GARNL3: variants seen among roughly 807,000 people sequenced by gnomAD.
The protein encoded by GARNL3 is GTPase-activating Rap/Ran-GAP domain-like protein 3.
Under a neutral mutation model 125.0 loss-of-function variants are expected in GARNL3, and 63 were observed. That is an observed-to-expected ratio of 0.50 (90% CI 0.41 to 0.62). The LOEUF (loss-of-function observed/expected upper bound fraction) is 0.62. Ranked by LOEUF, GARNL3 falls within the 20% of genes least tolerant of loss-of-function variation. The probability of loss-of-function intolerance (pLI) is 0.00; values close to 1 mark genes in which losing one functional copy is unlikely to be tolerated. For missense variants in GARNL3, 994 were observed against 1,244.0 expected (o/e 0.80, Z 3.02); for synonymous variants, 439 against 457.5 (o/e 0.96, Z 0.52).
At chr9:127,250,373 G>A (rs868707903) in intron 2 of GARNL3, among the ~76,000 whole-genome samples, 86 of 152,330 alleles carry the variant, frequency 5.6e-4, no homozygotes, top group African/African-American at 2.0e-3. Context: ...CAACATGGTG[G>A]TGGGAGCAGT....
intron 1 of GARNL3, among the ~76,000 whole-genome samples, chr9:127,241,935 GTTT>G (rs2063212282): frequency 6.9e-6 from 1 of 144,252 alleles, no homozygotes; most frequent in African/African-American, 2.7e-5. Context: ...GCCCGGCCTG[GTTT>G]GTTGTTGTTG....
At chr9:127,286,271 G>A (rs189201395) in intron 1 of GARNL3, among the ~76,000 whole-genome samples, 1 of 152,308 alleles carries the variant, frequency 6.6e-6, no homozygotes, top group Admixed American at 6.5e-5. Context: ...CTTTGGAGGG[G>A]TAAGATCTCA....
intron 20 of GARNL3, among the ~76,000 whole-genome samples, chr9:127,356,017 G>A (rs1830670013): frequency 6.6e-6 from 1 of 152,192 alleles, no homozygotes; most frequent in Non-Finnish European, 1.5e-5. Context: ...TGAAGGCACA[G>A]TCAAGAGCAG....
chr9:127,387,012 A>G, intron 24 of GARNL3, 181 bp from the exon 25 acceptor site: 1 of 538,138 alleles, frequency 1.9e-6, no homozygotes, highest in East Asian at 3.0e-5. Context: ...GAAAAGTGTA[A>G]CTAGCCACGC....
intron 21 of GARNL3, among the ~76,000 whole-genome samples, chr9:127,359,107 G>A (rs1466211078): frequency 3.0e-5 from 4 of 133,120 alleles, no homozygotes; most frequent in African/African-American, 1.1e-4. Context: ...CCCACCCGCC[G>A]CCCCCCACTG....
At chr9:127,339,996 C>G (rs1193978061) in intron 13 of GARNL3, among the ~76,000 whole-genome samples, 1 of 152,120 alleles carries the variant, frequency 6.6e-6, no homozygotes, top group Non-Finnish European at 1.5e-5. Context: ...TAAGGACCCT[C>G]GGGCCTCAAA....
At chr9:127,295,661 G>A (rs1159147949) in intron 2 of GARNL3, among the ~76,000 whole-genome samples, 5 of 151,854 alleles carry the variant, frequency 3.3e-5, no homozygotes, top group Admixed American at 6.6e-5. Flanking sequence ...TCAGGTAGCC[G>A]TTACCACAGC....
intron 12 of GARNL3, 39 bp from the exon 13 acceptor site, chr9:127,339,606 T>A: frequency 7.0e-7 from 1 of 1,433,824 alleles, no homozygotes; most frequent in Non-Finnish European, 9.8e-7. Flanking sequence ...CCAAACCATA[T>A]CAAGTGCTAA....
chr9:127,329,043 G>A (rs1053478689), intron 7 of GARNL3, among the ~76,000 whole-genome samples: 2 of 152,154 alleles, frequency 1.3e-5, no homozygotes, highest in East Asian at 1.9e-4. Flanking sequence ...TATTATCTGC[G>A]ACAGTCCACT....
chr9:127,291,323 G>A (rs2064408589), intron 2 of GARNL3, 81 bp downstream of exon 2: 1 of 1,270,376 alleles, frequency 7.9e-7, no homozygotes, highest in Non-Finnish European at 1.1e-6. Context: ...AAGAGTTCTG[G>A]AAGAGGTAAA....
chr9:127,319,175 C>T (rs62578840), intron 5 of GARNL3, among the ~76,000 whole-genome samples: 20,279 of 152,104 alleles, frequency 0.13, 1,750 homozygotes, highest in East Asian at 0.21. Context: ...CTGTTGGGGA[C>T]TGCATCTGGC....
chr9:127,242,213 G>A lies in GARNL3; in HGVS notation c.-28-866G>A, dbSNP rs1255772894. 1.3e-5 allele frequency among the ~76,000 whole-genome samples: 2 copies of A among 152,014 alleles called. No individual in the cohort carries two copies. The highest frequency in any genetic ancestry group is 2.4e-5 in the African/African-American group (1 of 41,398). On this transcript the variant is annotated intron_variant, in intron 1 of 10. Coordinates refer to the GARNL3 transcript ENST00000439286. The surrounding 1 kb of genome is among the most constrained non-coding windows in gnomAD (Gnocchi z 4.6). Reference sequence around the variant, plus strand: ...TCGCGACTCCAGCCAGAGATGTCACGTTTCTTAAGAAGACATTATAAAGAG... The same window carrying A: ...TCGCGACTCCAGCCAGAGATGTCACATTTCTTAAGAAGACATTATAAAGAG...
intron 2 of GARNL3, among the ~76,000 whole-genome samples, chr9:127,301,920 G>A (rs893235828): frequency 3.0e-5 from 4 of 135,392 alleles, no homozygotes; most frequent in African/African-American, 1.1e-4. Flanking sequence ...TTAGCATTGG[G>A]AGGACTTTTT....
At chr9:127,345,625 G>A (rs1830095821) in intron 16 of GARNL3, 148 bp downstream of exon 16, 2 of 534,888 alleles carry the variant, frequency 3.7e-6, no homozygotes, top group African/African-American at 2.0e-5. Context: ...ATAAAACTGA[G>A]TGGCCATTTA....
intron 2 of GARNL3, among the ~76,000 whole-genome samples, chr9:127,292,409 C>A (rs1009213798): frequency 6.6e-6 from 1 of 152,198 alleles, no homozygotes; most frequent in Admixed American, 6.5e-5. Flanking sequence ...CAAGCTCAGG[C>A]AGCCAAGGGT....
At chr9:127,317,581 G>A (rs2065274259) in intron 4 of GARNL3, among the ~76,000 whole-genome samples, 1 of 152,036 alleles carries the variant, frequency 6.6e-6, no homozygotes, top group Admixed American at 6.6e-5. Context: ...GCCAGGCATG[G>A]TGGTGCATGC....
At chr9:127,374,745 T>G (rs1406959554) in intron 22 of GARNL3, among the ~76,000 whole-genome samples, 1 of 152,080 alleles carries the variant, frequency 6.6e-6, no homozygotes, top group Non-Finnish European at 1.5e-5. Context: ...GAAAAGGTGT[T>G]CAATATCATT....
intron 1 of GARNL3, among the ~76,000 whole-genome samples, chr9:127,229,185 C>G (rs2062961916): frequency 1.3e-5 from 2 of 152,158 alleles, no homozygotes; most frequent in African/African-American, 4.8e-5. Context: ...TCATCTATAC[C>G]TTCTCCCCTT....
rs183474217 is a variant in GARNL3 at position 127,390,699 on chromosome 9, C to A, written c.2802C>A (p.Pro934=). 42 of 1,613,950 alleles carry A rather than the reference C, an allele frequency of 2.6e-5. No individual in the cohort carries two copies. The East Asian group carries it at 9.1e-4, about 35-fold the overall frequency. ...SEGAPKAKSK[P]RKRLEESQGG... ...GAGCGCCAAAGGCCAAATCAAAACC[C>A]CGGAAGCGGTTAGAAGAAAGCCAAG... Residue 934 remains proline, a synonymous_variant, in exon 27 of 28, where the codon CCC becomes CCA. Transcript: ENST00000373387.
Sources: gnomAD v4.1 joint callset for allele counts (sites outside exome capture counted in the v4.1 genomes callset) on GRCh38, gnomAD v4.1.1 for gene constraint, Gnocchi (gnomAD v3.1) non-coding constraint, MANE v1.5 for transcripts, NCBI Gene and HGNC (gene_info 2026-07-23, HGNC 2026-07-21) for gene names.